Variants in TRIM37 observed in about 807,000 individuals in gnomAD.
The protein encoded by TRIM37 is tripartite motif containing 37.
Under a neutral mutation model 129.8 loss-of-function variants are expected in TRIM37, and 80 were observed. The observed-to-expected ratio is 0.62, with a 90% CI of 0.51 to 0.74. TRIM37 has a LOEUF of 0.74. TRIM37 is among the 30% of genes least tolerant of loss of function. TRIM37 has a pLI of 0.00. For missense variants in TRIM37, 1,054 were observed against 1,176.5 expected (o/e 0.90, Z 1.52); for synonymous variants, 389 against 387.1 (o/e 1.00, Z -0.06).
intron 13 of TRIM37, among the ~76,000 whole-genome samples, chr17:59,056,288 C>T (rs2040861317): frequency 6.6e-6 from 1 of 151,996 alleles, no homozygotes. Context: ...AAGCCGTCCT[C>T]CCATCTTAGC....
intron 8 of TRIM37, 69 bp downstream of exon 8, chr17:59,075,578 A>AC (rs1185689573): frequency 5.7e-6 from 6 of 1,051,278 alleles, no homozygotes; most frequent in African/African-American, 1.6e-5. Flanking sequence ...AAAAAAAAAA[A>AC]AAAAAACAAC....
chr17:58,973,655 AAAC>A, the TRIM37 span, among the ~76,000 whole-genome samples: 3 of 151,078 alleles, frequency 2.0e-5, no homozygotes, highest in African/African-American at 7.3e-5. Flanking sequence ...AAAAAACAAA[AAAC>A]AAAAAAAACA....
chr17:58,984,447 TA>T (rs1443421763), intron 24 of TRIM37: 2 of 152,682 alleles, frequency 1.3e-5, no homozygotes, highest in Non-Finnish European at 2.9e-5. Flanking sequence ...TGATCTAAAT[TA>T]TTGTTTTAAT....
intron 15 of TRIM37, 28 bp from the exon 16 acceptor site, chr17:59,047,847 T>A: frequency 6.2e-7 from 1 of 1,612,920 alleles, no homozygotes; most frequent in East Asian, 2.2e-5. Context: ...AAACAAGACG[T>A]CTATTCCAAA....
chr17:59,054,446 T>C (rs1306768067), intron 13 of TRIM37, among the ~76,000 whole-genome samples: 1 of 151,632 alleles, frequency 6.6e-6, no homozygotes, highest in Non-Finnish European at 1.5e-5. Context: ...GGATTACAAG[T>C]GCCTGCCACC....
At chr17:59,060,904 G>T in intron 12 of TRIM37, 128 bp downstream of exon 12, 1 of 693,594 alleles carries the variant, frequency 1.4e-6, no homozygotes, top group Non-Finnish European at 2.5e-6. Flanking sequence ...ATGATGCCAA[G>T]AACATATTAT....
chr17:59,046,554 T>C (rs1298489773), intron 16 of TRIM37, among the ~76,000 whole-genome samples: 2 of 89,538 alleles, frequency 2.2e-5, no homozygotes, highest in Non-Finnish European at 4.3e-5. Flanking sequence ...TTTTTTTTTT[T>C]TGAGACAGAG....
At chr17:59,090,125 CAA>C (rs1276684680) in intron 3 of TRIM37, 3 of 151,800 alleles carry the variant, frequency 2.0e-5, no homozygotes, top group African/African-American at 7.3e-5. Context: ...AAAGTGAATA[CAA>C]AAAGAAAAAT....
At chr17:59,100,244 T>G (rs1446352968) in intron 2 of TRIM37, among the ~76,000 whole-genome samples, 1 of 152,170 alleles carries the variant, frequency 6.6e-6, no homozygotes, top group African/African-American at 2.4e-5. Context: ...ATAATCTCTA[T>G]CCGTTCCATT....
intron 23 of TRIM37, 101 bp from the exon 24 acceptor site, chr17:58,999,560 T>C (rs554556027): frequency 6.0e-6 from 6 of 999,376 alleles, no homozygotes; most frequent in Admixed American, 4.6e-5. Flanking sequence ...AAATGTGTTA[T>C]TTAAGTGATA....
chr17:59,033,912 G>C (rs997127212), intron 17 of TRIM37, among the ~76,000 whole-genome samples: 1 of 151,726 alleles, frequency 6.6e-6, no homozygotes, highest in Non-Finnish European at 1.5e-5. Flanking sequence ...GAGGTCAAGA[G>C]TTAGAGACCA....
In TRIM37 at chr17:59,084,070, T is replaced by C; in HGVS notation, c.301A>G (p.Lys101Glu). 1 of 1,613,388 alleles carries C rather than the reference T, an allele frequency of 6.2e-7. No homozygotes were observed. Among genetic ancestry groups the C allele is most frequent in the Non-Finnish European group, 8.5e-7 (1 of 1,179,668 alleles). The part of the protein sequence containing the change: ...EKDKCENHHE[K>E]LSVFCWTCKK... ...CAAGTCCAGCAAAATACACTAAGTT[T>C]TTCATGGTGATTTTCACATCTATAC... Residue 101 changes from lysine to glutamate, a missense_variant, in exon 5 of 24, where the codon AAA becomes GAA. Physicochemically the swap from Lys to Glu is moderately conservative, Grantham distance 56. This residue lies in a region of TRIM37 where 752 missense variants were observed against 870.8 expected (regional missense o/e 0.86). Transcript: ENST00000262294.
intron 3 of TRIM37, chr17:59,090,082 A>G (rs2147258338): frequency 6.6e-6 from 1 of 152,334 alleles, no homozygotes; most frequent in Middle Eastern, 3.4e-3. Flanking sequence ...CCTGGACGAC[A>G]GAGCGAGACT....
chr17:59,087,328 C>T (rs1193276967), intron 4 of TRIM37, among the ~76,000 whole-genome samples: 1 of 152,060 alleles, frequency 6.6e-6, no homozygotes, highest in Non-Finnish European at 1.5e-5. Context: ...CTCCTGACCT[C>T]AGGTAATCCA....
Position 59,070,806 on chromosome 17 carries a change from T to G in TRIM37, c.809+17A>C, listed in dbSNP as rs1328461137. On this transcript the variant is annotated intron_variant, in intron 9 of 23. Transcript: ENST00000262294. ...CATAAATTTCAAATGAAAATGAAAT[T>G]AAAAACTGTGTCATACCTGGTAAAG... 6.2e-7 allele frequency: 1 copy of G among 1,613,000 alleles called. No individual in the cohort carries two copies. The highest frequency in any genetic ancestry group is 2.2e-5 in the East Asian group (1 of 44,828).
At chr17:59,024,944 T>C (rs745980296) in intron 19 of TRIM37, among the ~76,000 whole-genome samples, 7 of 152,308 alleles carry the variant, frequency 4.6e-5, no homozygotes, top group South Asian at 2.1e-4. Flanking sequence ...ACATATCCTA[T>C]CATAGTATTA....
intron 14 of TRIM37, among the ~76,000 whole-genome samples, chr17:59,050,874 G>A (rs1167455441): frequency 2.6e-5 from 4 of 152,112 alleles, no homozygotes; most frequent in African/African-American, 4.8e-5. Context: ...CAGCTACTCA[G>A]GAGGCTGAGG....
chr17:59,001,283 A>G (rs2033716640), intron 23 of TRIM37, among the ~76,000 whole-genome samples: 1 of 151,950 alleles, frequency 6.6e-6, no homozygotes, highest in Non-Finnish European at 1.5e-5. Context: ...CTCTTTACAA[A>G]GTAAAAACCA....
At chr17:59,034,531 G>C (rs932810311) in intron 17 of TRIM37, among the ~76,000 whole-genome samples, 1 of 151,644 alleles carries the variant, frequency 6.6e-6, no homozygotes, top group Non-Finnish European at 1.5e-5. Context: ...GGCTAATTTT[G>C]TATTTTTAGT....
Sources: gnomAD v4.1 joint callset for allele counts (sites outside exome capture counted in the v4.1 genomes callset) on GRCh38, gnomAD v4.1.1 for gene constraint, gnomAD v4.1.1 regional missense constraint, MANE v1.5 for transcripts, NCBI Gene and HGNC (gene_info 2026-07-23, HGNC 2026-07-21) for gene names.